WDR64: variants seen among roughly 807,000 people sequenced by gnomAD.
WDR64 encodes the protein WD repeat-containing protein 64.
WDR64 carries 112 observed loss-of-function variants against 139.3 expected under a neutral mutation model. That is an observed-to-expected ratio of 0.80 (90% CI 0.69 to 0.94). The LOEUF (loss-of-function observed/expected upper bound fraction) is 0.94. Ranked by LOEUF, WDR64 falls within the 40% of genes least tolerant of loss-of-function variation. The probability of loss-of-function intolerance (pLI) is 0.00; values close to 1 mark genes in which losing one functional copy is unlikely to be tolerated. For synonymous variants in WDR64, 444 were observed against 437.7 expected (o/e 1.01, Z -0.18); for missense variants, 1,206 against 1,293.1 (o/e 0.93, Z 1.03).
intron 17 of WDR64, 75 bp downstream of exon 17, chr1:241,769,580 A>C: frequency 7.7e-7 from 1 of 1,292,960 alleles, no homozygotes; most frequent in South Asian, 1.3e-5. Context: ...ATGCAAAATT[A>C]ATTGTGGTTT....
At position 241,790,694 on chromosome 1, in the gene WDR64, A is replaced by T; in HGVS notation, c.2995A>T (p.Lys999Ter). ...GTTTTTCAAGTCTCTTTCTTCTCCT[A>T]AGGTAGCTTAAAAAAAAAAAAAAAA... The part of the protein sequence containing the change: ...FKFFKSLSSP[K>*]IRRYPLEGFV... The change falls in exon 25 of 28, where the codon AAG (lysine) becomes TAG (stop). Residue 999 changes from lysine (K) to a stop codon, truncating the protein, a stop_gained and splice_region_variant. Coordinates refer to ENST00000437684, the MANE Select transcript of WDR64 (RefSeq NM_001367482.1). LOFTEE classifies it high-confidence loss of function. 1 of 1,531,470 alleles carries T rather than the reference A, an allele frequency of 6.5e-7. No homozygotes were observed. The allele number at this position is 1,531,470 out of a possible 1,614,324, so 94.9% of individuals were successfully genotyped here. A position where few individuals can be genotyped will look rare whatever the true frequency, so the allele number is the denominator to read the frequency against.
At chr1:241,782,387 C>A (rs541722073) in intron 22 of WDR64, among the ~76,000 whole-genome samples, 3 of 152,348 alleles carry the variant, frequency 2.0e-5, no homozygotes, top group Non-Finnish European at 2.9e-5. Context: ...GGCGGAATTG[C>A]GCCTACCCTT....
At position 241,755,175 on chromosome 1, in the gene WDR64, A is replaced by G. The variant is rs181009551; in HGVS notation, c.1771-2108A>G. ...TCTTCCACAATGGTTGAACTAGTTT[A>G]CACTCCCACCAACAGTGTAAAAGCA... On this transcript the variant is annotated intron_variant, in intron 14 of 27. Coordinates refer to ENST00000437684, the MANE Select transcript of WDR64 (RefSeq NM_001367482.1). Among the ~76,000 whole-genome samples the G allele has an allele frequency of 3.5e-3, 531 of 152,276 alleles. 4 individuals are homozygous for G. Among genetic ancestry groups the G allele is most frequent in the African/African-American group, 0.012 (506 of 41,546 alleles).
At chr1:241,786,788 C>T (rs1213110065) in intron 23 of WDR64, among the ~76,000 whole-genome samples, 2 of 152,020 alleles carry the variant, frequency 1.3e-5, no homozygotes, top group African/African-American at 2.4e-5. Flanking sequence ...CTTGAACGGG[C>T]AGTGTTATTT....
At chr1:241,701,681 A>AGTCAAAC (rs79485641) in intron 8 of WDR64, among the ~76,000 whole-genome samples, 102,261 of 151,256 alleles carry the variant, frequency 0.68, 35,721 homozygotes, top group African/African-American at 0.86. Flanking sequence ...TGATCTGTTC[A>AGTCAAAC]TCTAGATGAG....
At chr1:241,677,177 A>T (rs1666587968) in intron 4 of WDR64, 1 of 395,292 alleles carries the variant, frequency 2.5e-6, no homozygotes. Flanking sequence ...TAAAAATTCA[A>T]AATATATCTG....
chr1:241,770,643 T>C lies in WDR64; in HGVS notation c.2206T>C (p.Cys736Arg), dbSNP rs1658394208. 1 of 1,551,524 alleles carries C rather than the reference T, an allele frequency of 6.4e-7. No homozygotes were observed. The highest frequency in any genetic ancestry group is 1.2e-5 in the South Asian group (1 of 84,000). The change falls in exon 18 of 28, where the codon TGT becomes CGT. Residue 736 changes from cysteine (C) to arginine (R), a missense_variant. Coordinates refer to ENST00000437684, the MANE Select transcript of WDR64 (RefSeq NM_001367482.1). The part of the protein sequence containing the change: ...CARRSSQDSI[C>R]SSSQCESSKG... Reference sequence around the variant, plus strand: ...TAGGAGATCAAGTCAGGATTCCATATGTTCTTCATCCCAGTGTGAATCCAG... The same window carrying C: ...TAGGAGATCAAGTCAGGATTCCATACGTTCTTCATCCCAGTGTGAATCCAG...
chr1:241,717,877 ATAATAG>A (rs1315755691), intron 9 of WDR64, among the ~76,000 whole-genome samples: 2 of 152,280 alleles, frequency 1.3e-5, no homozygotes, highest in South Asian at 2.1e-4. Context: ...GGAACTTAGA[ATAATAG>A]TAATAGTAAT....
chr1:241,719,979 G>C (rs1475611327), intron 9 of WDR64, among the ~76,000 whole-genome samples: 1 of 152,020 alleles, frequency 6.6e-6, no homozygotes, highest in Admixed American at 6.6e-5. Flanking sequence ...CAGTGAATGT[G>C]AGTTGTTCCC....
rs1208507512 is a variant in WDR64 at position 241,775,189 on chromosome 1, A to G, written c.2515A>G (p.Ile839Val). 1.3e-6 allele frequency: 2 copies of G among 1,550,426 alleles called. No individual in the cohort carries two copies. The highest frequency in any genetic ancestry group is 4.9e-5 in the East Asian group (2 of 40,886). ...TSLYTDSCTRILLAGNVEGHV... is the reference protein window; with the variant it reads ...TSLYTDSCTRVLLAGNVEGHV... ...GCTGTATACTGATTCATGTACGAGG[A>G]TACTACTGGCTGGAAATGTGGGTGA... Residue 839 changes from isoleucine to valine, a missense_variant, in exon 21 of 28, where the codon ATA becomes GTA. Transcript: ENST00000437684.
Position 241,801,092 on chromosome 1 carries a change from A to G in WDR64, c.3193-40A>G, listed in dbSNP as rs1659510842. Reference sequence around the variant, plus strand: ...ACTCTGGAAAATTGTGTTTGTCAGTAGAATGCCAGTTACTAACTGACATGC... The same window carrying G: ...ACTCTGGAAAATTGTGTTTGTCAGTGGAATGCCAGTTACTAACTGACATGC... On this transcript the variant is annotated intron_variant, in intron 27 of 27. Coordinates refer to ENST00000437684, the MANE Select transcript of WDR64 (RefSeq NM_001367482.1). The G allele has an allele frequency of 3.9e-6, 6 of 1,549,510 alleles. No individual in the cohort carries two copies. In the East Asian group the frequency reaches 9.0e-5, roughly 23 times the overall value.
In WDR64 at chr1:241,660,543, T is replaced by C. The variant is rs1394187695; in HGVS notation, c.159T>C (p.Tyr53=). The C allele has an allele frequency of 3.2e-6, 5 of 1,551,700 alleles. No individual in the cohort carries two copies. The South Asian group carries it at 4.8e-5, about 15-fold the overall frequency. Residue 53 remains tyrosine, a synonymous_variant, in exon 2 of 28, where the codon TAT becomes TAC. Transcript: ENST00000437684. ...LFIHKEDAIG[Y]DKFYASVQKL... is the part of the protein sequence containing the mutation. The stretch of plus-strand genomic sequence containing the variant: ...TTTTCAATGCAGATGCAATTGGTTA[T>C]GACAAGTTTTATGCATCGGTACAGA...
chr1:241,720,618 T>C lies in WDR64; in HGVS notation c.1055-2679T>C, dbSNP rs544945069. Among the ~76,000 whole-genome samples, 5 of 152,272 alleles carry C rather than the reference T, an allele frequency of 3.3e-5. No individual in the cohort carries two copies. In the East Asian group the frequency reaches 9.6e-4, roughly 29 times the overall value. ...AATGTCTTCTTTTCAGGAGTATCTGTTCATGTCTTTTGTTCACTTTTTAAT... is the reference window on the plus strand; with the variant it reads ...AATGTCTTCTTTTCAGGAGTATCTGCTCATGTCTTTTGTTCACTTTTTAAT... On this transcript the variant is annotated intron_variant, in intron 9 of 27. Coordinates refer to ENST00000437684, the MANE Select transcript of WDR64 (RefSeq NM_001367482.1).
chr1:241,693,489 T>C (rs749112557), intron 8 of WDR64, among the ~76,000 whole-genome samples: 6 of 152,184 alleles, frequency 3.9e-5, no homozygotes, highest in Non-Finnish European at 7.3e-5. Context: ...TCATTACACA[T>C]GTATCAAAAC....
At chr1:241,685,846 T>C (rs1429363688) in intron 7 of WDR64, among the ~76,000 whole-genome samples, 1 of 152,230 alleles carries the variant, frequency 6.6e-6, no homozygotes, top group Non-Finnish European at 1.5e-5. Flanking sequence ...CTATATACTA[T>C]TAAGCATTTC....
At chr1:241,728,507 T>C (rs566106569) in intron 10 of WDR64, among the ~76,000 whole-genome samples, 3 of 152,308 alleles carry the variant, frequency 2.0e-5, no homozygotes, top group East Asian at 1.9e-4. Context: ...CCATGCATAG[T>C]TGTGTGCCCA....
intron 11 of WDR64, among the ~76,000 whole-genome samples, 186 bp downstream of exon 11, chr1:241,738,675 T>C (rs553201641): frequency 6.6e-6 from 1 of 152,360 alleles, no homozygotes; most frequent in South Asian, 2.1e-4. Flanking sequence ...GGCTGGATGA[T>C]TGAAATGTGT....
intron 13 of WDR64, among the ~76,000 whole-genome samples, chr1:241,748,862 C>G (rs1279010014): frequency 6.6e-6 from 1 of 151,272 alleles, no homozygotes; most frequent in East Asian, 1.9e-4. Context: ...ATGGTGTGAA[C>G]CCAGGAGGCG....
At chr1:241,792,915 G>T (rs1419050431) in intron 25 of WDR64, among the ~76,000 whole-genome samples, 1 of 152,216 alleles carries the variant, frequency 6.6e-6, no homozygotes, top group Non-Finnish European at 1.5e-5. Flanking sequence ...CTCCTTAGGA[G>T]ACAGGTACGA....
Sources: gnomAD v4.1 joint callset for allele counts (sites outside exome capture counted in the v4.1 genomes callset) on GRCh38, gnomAD v4.1.1 for gene constraint, MANE v1.5 for transcripts, NCBI Gene and HGNC (gene_info 2026-07-23, HGNC 2026-07-21) for gene names.